MCC: variants seen among roughly 807,000 people sequenced by gnomAD.
The protein encoded by MCC is MCC regulator of Wnt signaling pathway.
MCC carries 90 observed loss-of-function variants against 116.2 expected under a neutral mutation model. The ratio of observed to expected loss-of-function variants is 0.77; its 90% confidence interval spans 0.65 to 0.92. The LOEUF is 0.92. MCC is among the 40% of genes least tolerant of loss of function. The probability of loss-of-function intolerance (pLI) is 0.00; values close to 1 mark genes in which losing one functional copy is unlikely to be tolerated. For synonymous variants in MCC, 578 were observed against 510.5 expected, an observed-to-expected ratio of 1.13 and a Z score of -1.78; for missense variants, 1,516 against 1,312.2, an observed-to-expected ratio of 1.16 and a Z score of -2.40.
chr5:113,311,443 C>T (rs535004019), intron 3 of MCC, among the ~76,000 whole-genome samples: 2 of 152,176 alleles, frequency 1.3e-5, no homozygotes, highest in Non-Finnish European at 2.9e-5. Flanking sequence ...TCAGCAGTTG[C>T]TCTAGTCACC....
At chr5:113,111,732 AT>A (rs1039836605) in intron 6 of MCC, among the ~76,000 whole-genome samples, 10 of 152,324 alleles carry the variant, frequency 6.6e-5, no homozygotes, top group Admixed American at 2.0e-4. Flanking sequence ...TTAAAGTTGC[AT>A]TTTCCAGGAA....
chr5:113,082,990 C>T lies in MCC; in HGVS notation c.1654G>A (p.Glu552Lys). 1.9e-6 allele frequency: 3 copies of T among 1,613,778 alleles called. No individual in the cohort carries two copies. The highest frequency in any genetic ancestry group is 2.5e-6 in the Non-Finnish European group (3 of 1,179,894). ...SSIGVSSSVA[E>K]HLAHSLQDCS... ...TCCTGAAGTGAGTGGGCCAGGTGTT[C>T]AGCCACACTGCTGGATACCTGCAAA... The change falls in exon 11 of 19, where the codon GAA becomes AAA. Residue 552 changes from glutamate to lysine, a missense_variant. By Grantham distance (56) the Glu-to-Lys change is moderately conservative (BLOSUM62 1). Transcript: ENST00000408903.
Position 113,026,209 on chromosome 5 carries a change from T to G in MCC, c.*1093A>C, listed in dbSNP as rs1750537693. Reference sequence around the variant, plus strand: ...TGTATCTGGGGGCAAAAAAGAAGCCTTAACTACCATTCCCTCACTCTGTCC... The same window carrying G: ...TGTATCTGGGGGCAAAAAAGAAGCCGTAACTACCATTCCCTCACTCTGTCC... On this transcript the variant is annotated 3_prime_UTR_variant, in exon 19 of 19. Coordinates refer to ENST00000408903, the MANE Select transcript of MCC (RefSeq NM_001085377.2). 6.6e-6 allele frequency: 1 copy of G among 152,242 alleles called. No individual in the cohort carries two copies. The highest frequency in any genetic ancestry group is 1.5e-5 in the Non-Finnish European group (1 of 68,064). 9.4% of individuals were successfully genotyped at this position (152,242 alleles called of 1,614,324 possible).
In MCC at chr5:113,434,325, C is replaced by T. The variant is rs200163161; in HGVS notation, c.171-49113G>A. 3 of 1,613,926 alleles carry T rather than the reference C, an allele frequency of 1.9e-6. No individual in the cohort carries two copies. In the Admixed American group the frequency reaches 5.0e-5, roughly 27 times the overall value. ...CGCTGGTGACCCACAGAAGGTCTTG[C>T]TTAATGCCATTCGACCACTGTCATC... On this transcript the variant is annotated intron_variant, in intron 1 of 18. Coordinates refer to ENST00000408903, the MANE Select transcript of MCC (RefSeq NM_001085377.2). This position sits in a 1 kb window ranked among gnomAD's most constrained non-coding sequence, Gnocchi z 4.2.
rs1158639318 is a variant in MCC, at chr5:113,025,536, A to G, written c.*1766T>C. ...CAGCTACTCAGGAGGCAGAGGTTGC[A>G]GTGAGCCAAGATCACGCCACTGCAC... On this transcript the variant is annotated 3_prime_UTR_variant, in exon 19 of 19. Transcript: ENST00000408903. 2.7e-5 allele frequency: 4 copies of G among 148,980 alleles called. No individual in the cohort carries two copies. Among genetic ancestry groups the G allele is most frequent in the African/African-American group, 5.0e-5 (2 of 39,992 alleles). 9.2% of individuals were successfully genotyped at this position (148,980 alleles called of 1,614,324 possible). A position where few individuals can be genotyped will look rare whatever the true frequency, so the allele number is the denominator to read the frequency against.
At chr5:113,333,913 T>G (rs1399031314) in intron 3 of MCC, among the ~76,000 whole-genome samples, 1 of 53,146 alleles carries the variant, frequency 1.9e-5, no homozygotes, top group South Asian at 9.8e-4. Context: ...AAATACATTA[T>G]AAATTTATAT....
At position 113,091,067 on chromosome 5, in the gene MCC, C is replaced by A. The variant is rs369685946; in HGVS notation, c.1399-5757G>T. 3.9e-5 allele frequency among the ~76,000 whole-genome samples: 6 copies of A among 152,194 alleles called. No individual in the cohort carries two copies. The South Asian group carries it at 8.3e-4, about 21-fold the overall frequency. ...GATCCCTCTGCCTCACGCCTGGAGC[C>A]TCTCTGCTCGACCCATAGGTGAAAA... On this transcript the variant is annotated intron_variant, in intron 8 of 18. Transcript: ENST00000408903.
intron 1 of MCC, among the ~76,000 whole-genome samples, chr5:113,426,716 C>T (rs1274677216): frequency 2.6e-5 from 4 of 152,180 alleles, no homozygotes; most frequent in Non-Finnish European, 5.9e-5. Flanking sequence ...TTAAGCCACC[C>T]ACCCCAGAAT....
intron 3 of MCC, among the ~76,000 whole-genome samples, chr5:113,243,929 C>T (rs541911890): frequency 2.0e-5 from 3 of 152,340 alleles, no homozygotes; most frequent in East Asian, 3.9e-4. Flanking sequence ...ATCCAACACC[C>T]GGCTTGAGCC....
intron 2 of MCC, among the ~76,000 whole-genome samples, chr5:113,377,267 A>G (rs1426348109): frequency 6.6e-6 from 1 of 152,174 alleles, no homozygotes; most frequent in Non-Finnish European, 1.5e-5. Context: ...GTACAGAAGG[A>G]ACAAAACTCA....
At chr5:113,288,731 A>G (rs1487691861) in intron 3 of MCC, among the ~76,000 whole-genome samples, 2 of 152,222 alleles carry the variant, frequency 1.3e-5, no homozygotes, top group African/African-American at 4.8e-5. Flanking sequence ...AAGCTAATGA[A>G]AGGAATTAAT....
At chr5:113,205,101 T>TCC (rs1292104005) in intron 3 of MCC, among the ~76,000 whole-genome samples, 8 of 152,306 alleles carry the variant, frequency 5.3e-5, no homozygotes, top group Non-Finnish European at 1.0e-4. Flanking sequence ...TCTCAGTTTT[T>TCC]TCCTCCTTTC....
At chr5:113,271,301 T>C (rs2150353122) in intron 3 of MCC, among the ~76,000 whole-genome samples, 1 of 152,238 alleles carries the variant, frequency 6.6e-6, no homozygotes, top group Non-Finnish European at 1.5e-5. Context: ...CCTAGAACAC[T>C]AGATTCACAA....
chr5:113,205,397 G>C (rs1014140643), intron 3 of MCC, among the ~76,000 whole-genome samples: 1 of 152,208 alleles, frequency 6.6e-6, no homozygotes, highest in Non-Finnish European at 1.5e-5. Context: ...TATGGAATGT[G>C]GGCTTGTATC....
chr5:113,456,491 C>T (rs1771550310), intron 1 of MCC, among the ~76,000 whole-genome samples: 1 of 151,998 alleles, frequency 6.6e-6, no homozygotes, highest in South Asian at 2.1e-4. Context: ...GAGCCTCGCT[C>T]TGTTGCCCAG....
intron 1 of MCC, among the ~76,000 whole-genome samples, chr5:113,487,263 A>G (rs1407677013): frequency 6.6e-6 from 1 of 151,516 alleles, no homozygotes; most frequent in African/African-American, 2.4e-5. Context: ...AACGATCTTT[A>G]GCATCACCAA....
chr5:113,258,531 G>C (rs1233211774), intron 3 of MCC, among the ~76,000 whole-genome samples: 3 of 152,232 alleles, frequency 2.0e-5, no homozygotes, highest in South Asian at 2.1e-4. Context: ...GCACTGCAAG[G>C]AATCTAGGTT....
At chr5:113,168,847 C>G (rs1319442852) in intron 3 of MCC, among the ~76,000 whole-genome samples, 3 of 152,080 alleles carry the variant, frequency 2.0e-5, no homozygotes, top group Non-Finnish European at 4.4e-5. Flanking sequence ...CCCCTAAAGT[C>G]TATAAAGCAC....
intron 12 of MCC, among the ~76,000 whole-genome samples, chr5:113,069,613 G>A (rs1753887017): frequency 6.6e-6 from 1 of 152,194 alleles, no homozygotes; most frequent in Non-Finnish European, 1.5e-5. Context: ...CTGTCGCCCA[G>A]GCTGGAGTGC....
Sources: gnomAD v4.1 joint callset for allele counts (sites outside exome capture counted in the v4.1 genomes callset) on GRCh38, gnomAD v4.1.1 for gene constraint, Gnocchi (gnomAD v3.1) non-coding constraint, MANE v1.5 for transcripts, NCBI Gene and HGNC (gene_info 2026-07-23, HGNC 2026-07-21) for gene names.